C16orf87: variants seen among roughly 807,000 people sequenced by gnomAD.
The protein encoded by C16orf87 is UPF0547 protein C16orf87.
A neutral mutation model predicts 21.0 loss-of-function variants in C16orf87; 13 were observed. That is an observed-to-expected ratio of 0.62 (90% CI 0.40 to 0.98). The LOEUF is 0.98. C16orf87 is among the 50% of genes least tolerant of loss of function. The pLI, the probability that C16orf87 is intolerant of heterozygous loss-of-function variation, is 0.00. For synonymous variants in C16orf87, 49 were observed against 60.2 expected (o/e 0.81, Z 0.86); for missense variants, 113 against 180.4 (o/e 0.63, Z 2.14).
intron 3 of C16orf87, chr16:46,807,956 T>C (rs1967976572): frequency 2.2e-6 from 1 of 448,070 alleles, no homozygotes; most frequent in Admixed American, 2.4e-5. Context: ...CTTTCTCATC[T>C]TCTCTCACCC....
intron 2 of C16orf87, among the ~76,000 whole-genome samples, chr16:46,816,500 A>G (rs1968245432): frequency 6.6e-6 from 1 of 152,246 alleles, no homozygotes; most frequent in Non-Finnish European, 1.5e-5. Flanking sequence ...GACACGCTTG[A>G]TGACAAAATT....
At chr16:46,827,293 T>C (rs1959656940) in intron 1 of C16orf87, among the ~76,000 whole-genome samples, 1 of 152,140 alleles carries the variant, frequency 6.6e-6, no homozygotes, top group East Asian at 1.9e-4. Context: ...CTAGATCCTG[T>C]AAAAAGAATT....
At position 46,824,124 on chromosome 16, in the gene C16orf87, T is replaced by C. The variant is rs1959525319; in HGVS notation, c.163+262A>G. On this transcript the variant is annotated intron_variant, in intron 2 of 3. Transcript: ENST00000285697. ...TTTATATCAGATCAGGTCACTCCCT[T>C]GCTAAAACCTTTCAATGGTTCTCCA... is the stretch of plus-strand genomic sequence containing the variant. Among the ~76,000 whole-genome samples, 5 of 152,216 alleles carry C rather than the reference T, an allele frequency of 3.3e-5. No homozygotes were observed. In the South Asian group the frequency reaches 1.0e-3, roughly 31 times the overall value.
At chr16:46,804,149 T>G (rs897495988) in intron 3 of C16orf87, among the ~76,000 whole-genome samples, 1 of 152,238 alleles carries the variant, frequency 6.6e-6, no homozygotes, top group Non-Finnish European at 1.5e-5. Context: ...GTATAAATTG[T>G]TTTTCAGGAT....
Position 46,807,071 on chromosome 16 carries a change from G to A in C16orf87, c.346+2532C>T, listed in dbSNP as rs76153887. On this transcript the variant is annotated intron_variant, in intron 3 of 3. Transcript: ENST00000285697. ...GTTAGATTGGTATAAAAGTAAAACC[G>A]CAATTACTTCTGCACCAACCTAATA... is the stretch of plus-strand genomic sequence containing the variant. Among the ~76,000 whole-genome samples the A allele has an allele frequency of 2.4e-3, 372 of 152,296 alleles. 8 individuals carry two copies. In the East Asian group the frequency reaches 0.059, roughly 24 times the overall value.
chr16:46,818,716 G>C (rs1193120538), intron 2 of C16orf87, among the ~76,000 whole-genome samples: 2 of 151,936 alleles, frequency 1.3e-5, no homozygotes, highest in Non-Finnish European at 2.9e-5. Flanking sequence ...TTGAGATAGA[G>C]TCTCACTCTG....
At chr16:46,808,700 T>C (rs1967995242) in intron 3 of C16orf87, among the ~76,000 whole-genome samples, 1 of 152,144 alleles carries the variant, frequency 6.6e-6, no homozygotes, top group Non-Finnish European at 1.5e-5. Flanking sequence ...TCTCTACTCT[T>C]GCATATGTTG....
intron 3 of C16orf87, among the ~76,000 whole-genome samples, chr16:46,805,758 C>A (rs1007178289): frequency 1.3e-5 from 2 of 152,226 alleles, no homozygotes; most frequent in Admixed American, 6.5e-5. Context: ...TCCAATTAGG[C>A]CACTTCTCTG....
chr16:46,802,945 A>T lies in C16orf87; in HGVS notation c.*7T>A. On this transcript the variant is annotated 3_prime_UTR_variant, in exon 4 of 4. Transcript: ENST00000285697. ...ACAGAAGTTTCAGCAGATTTTGCAAACAAGTATCAGAGAATAAGTCTTTGA... is the reference window on the plus strand; with the variant it reads ...ACAGAAGTTTCAGCAGATTTTGCAATCAAGTATCAGAGAATAAGTCTTTGA... The T allele has an allele frequency of 7.3e-7, 1 of 1,375,244 alleles. No homozygotes were observed. The highest frequency in any genetic ancestry group is 1.0e-6 in the Non-Finnish European group (1 of 968,912). 85.2% of individuals were successfully genotyped at this position (1,375,244 alleles called of 1,614,324 possible). A position where few individuals can be genotyped will look rare whatever the true frequency, so the allele number is the denominator to read the frequency against.
At chr16:46,829,815 A>C (rs766859316) in intron 1 of C16orf87, among the ~76,000 whole-genome samples, 3 of 152,118 alleles carry the variant, frequency 2.0e-5, no homozygotes, top group Non-Finnish European at 2.9e-5. Flanking sequence ...TTAATAAAAC[A>C]TGTAACATGT....
chr16:46,819,120 C>A (rs942281423), intron 2 of C16orf87, among the ~76,000 whole-genome samples: 2 of 152,238 alleles, frequency 1.3e-5, no homozygotes, highest in East Asian at 3.8e-4. Flanking sequence ...CCCACTCCCA[C>A]GCTGTACTTT....
At chr16:46,804,879 A>G (rs910558744) in intron 3 of C16orf87, among the ~76,000 whole-genome samples, 1 of 152,208 alleles carries the variant, frequency 6.6e-6, no homozygotes, top group African/African-American at 2.4e-5. Flanking sequence ...TTTTGTGCCT[A>G]GCTTATTTTG....
chr16:46,815,771 A>G (rs1256497518), intron 2 of C16orf87, among the ~76,000 whole-genome samples: 1 of 152,226 alleles, frequency 6.6e-6, no homozygotes, highest in Non-Finnish European at 1.5e-5. Flanking sequence ...GAGGATGTAG[A>G]GAAACCGGAA....
chr16:46,799,204 T>C lies in C16orf87; in HGVS notation c.*3748A>G, dbSNP rs1013459879. 1.3e-5 allele frequency: 2 copies of C among 152,194 alleles called. No individual in the cohort carries two copies. The highest frequency in any genetic ancestry group is 2.4e-5 in the African/African-American group (1 of 41,456). 9.4% of individuals were successfully genotyped at this position (152,194 alleles called of 1,614,324 possible). A position where few individuals can be genotyped will look rare whatever the true frequency, so the allele number is the denominator to read the frequency against. On this transcript the variant is annotated 3_prime_UTR_variant, in exon 4 of 4. Coordinates refer to ENST00000285697, the MANE Select transcript of C16orf87 (RefSeq NM_001001436.4). ...ATGTTAGGATAGTTATTAGTATAGT[T>C]GTAATCTTTGAGTAGTAAGTACTAC...
intron 3 of C16orf87, chr16:46,807,969 C>T (rs1038246268): frequency 2.2e-6 from 1 of 452,682 alleles, no homozygotes; most frequent in Non-Finnish European, 4.4e-6. Context: ...TCTCACCCAC[C>T]ACCAGAAGCA....
At chr16:46,821,726 C>G (rs1351451343) in intron 2 of C16orf87, among the ~76,000 whole-genome samples, 3 of 152,140 alleles carry the variant, frequency 2.0e-5, no homozygotes, top group Non-Finnish European at 2.9e-5. Flanking sequence ...TCCCTGAATG[C>G]CTTCCTCTTC....
intron 2 of C16orf87, among the ~76,000 whole-genome samples, chr16:46,818,391 T>C (rs1006318712): frequency 4.6e-5 from 7 of 152,232 alleles, no homozygotes; most frequent in Non-Finnish European, 8.8e-5. Flanking sequence ...CCTATTAACT[T>C]ATATTAAAGA....
intron 2 of C16orf87, among the ~76,000 whole-genome samples, chr16:46,822,750 C>G (rs1036454457): frequency 4.6e-5 from 7 of 152,062 alleles, no homozygotes; most frequent in Admixed American, 3.3e-4. Context: ...ATATTTGTAC[C>G]CCTACAAACT....
rs1336792640 is a variant in C16orf87 at position 46,798,916 on chromosome 16, A to T, written c.*4036T>A. 1 of 152,152 alleles carries T rather than the reference A, an allele frequency of 6.6e-6. No homozygotes were observed. Among genetic ancestry groups the T allele is most frequent in the Admixed American group, 6.5e-5 (1 of 15,276 alleles). The allele number at this position is 152,152 out of a possible 1,614,324, so 9.4% of individuals were successfully genotyped here. On this transcript the variant is annotated 3_prime_UTR_variant, in exon 4 of 4. Transcript: ENST00000285697. ...AAAAGAGTCTACCCTCAATCTACTA[A>T]AGGGTATTTTTTCAAGCCCACAACA...
Sources: allele counts gnomAD v4.1 joint callset (sites outside exome capture counted in the v4.1 genomes callset), GRCh38; gene constraint gnomAD v4.1.1; transcripts MANE v1.5; gene names NCBI Gene and HGNC (gene_info 2026-07-23, HGNC 2026-07-21).